CDK8: variants seen among roughly 807,000 people sequenced by gnomAD.
The protein encoded by CDK8 is cyclin-dependent kinase 8.
A neutral mutation model predicts 71.5 loss-of-function variants in CDK8; 29 were observed. That is an observed-to-expected ratio of 0.41 (90% CI 0.30 to 0.55). The LOEUF is 0.55. Among genes scored for constraint, CDK8 ranks in the 20% least tolerant of loss-of-function variants. The pLI, the probability that CDK8 is intolerant of heterozygous loss-of-function variation, is 0.37. For missense variants in CDK8, 288 were observed against 572.6 expected (o/e 0.50, Z 5.07); for synonymous variants, 161 against 192.1 (o/e 0.84, Z 1.34).
At chr13:26,289,509 GTT>G (rs1873197409) in intron 1 of CDK8, among the ~76,000 whole-genome samples, 1 of 152,010 alleles carries the variant, frequency 6.6e-6, no homozygotes, top group Non-Finnish European at 1.5e-5. Context: ...GATACAGTTG[GTT>G]TTTGTACATA....
At chr13:26,348,277 G>A (rs1873542331) in intron 2 of CDK8, among the ~76,000 whole-genome samples, 3 of 152,114 alleles carry the variant, frequency 2.0e-5, no homozygotes, top group African/African-American at 7.2e-5. Flanking sequence ...TGGGGAAAAA[G>A]GCGGTGGGAT....
intron 9 of CDK8, 65 bp downstream of exon 9, chr13:26,397,290 C>CT: frequency 1.0e-6 from 1 of 975,746 alleles, no homozygotes; most frequent in Non-Finnish European, 1.6e-6. Flanking sequence ...CCAACTGAGG[C>CT]TTTTTTGGAT....
chr13:26,335,480 C>T (rs1252340185), intron 1 of CDK8, among the ~76,000 whole-genome samples: 2 of 152,074 alleles, frequency 1.3e-5, no homozygotes, highest in Non-Finnish European at 2.9e-5. Context: ...TCTGTGTCTT[C>T]AGCTTGCTCT....
chr13:26,324,487 A>G (rs1874933482), intron 1 of CDK8, among the ~76,000 whole-genome samples: 1 of 152,194 alleles, frequency 6.6e-6, no homozygotes, highest in Non-Finnish European at 1.5e-5. Flanking sequence ...GGAGTATAAC[A>G]TGAACACTTC....
intron 1 of CDK8, among the ~76,000 whole-genome samples, chr13:26,267,524 A>C (rs1205860059): frequency 6.6e-6 from 1 of 152,152 alleles, no homozygotes; most frequent in Non-Finnish European, 1.5e-5. Context: ...AGACTTCAAA[A>C]TTTACTTTAG....
chr13:26,374,006 C>T (rs1408300733), intron 4 of CDK8, among the ~76,000 whole-genome samples: 1 of 142,682 alleles, frequency 7.0e-6, no homozygotes, highest in African/African-American at 2.7e-5. Flanking sequence ...ATGGTGAAAC[C>T]CCTTCTCTAC....
At chr13:26,369,989 C>T (rs1315093784) in intron 4 of CDK8, among the ~76,000 whole-genome samples, 1 of 152,044 alleles carries the variant, frequency 6.6e-6, no homozygotes, top group Non-Finnish European at 1.5e-5. Flanking sequence ...TAGAAAAGGT[C>T]AATAAGTAGA....
In CDK8 at chr13:26,353,612, GTACGAAAT is replaced by G. The variant is rs562406032; in HGVS notation, c.316-125_316-118del. 1.8e-4 allele frequency: 133 copies of G among 740,496 alleles called. 1 individual carries two copies. The East Asian group carries it at 2.7e-3, about 15-fold the overall frequency. 45.9% of individuals were successfully genotyped at this position (740,496 alleles called of 1,614,324 possible). On this transcript the variant is annotated intron_variant, in intron 3 of 12. Transcript: ENST00000381527. ...AAAGTTGTTTATGTTATTCAGCAGA[GTACGAAAT>G]TATATTTTCAATATCTATGGGAATC...
intron 1 of CDK8, among the ~76,000 whole-genome samples, chr13:26,321,434 T>C (rs1225265304): frequency 1.3e-5 from 2 of 151,688 alleles, no homozygotes; most frequent in Non-Finnish European, 2.9e-5. Context: ...TTACACAAGG[T>C]GAAAAGTGTT....
chr13:26,331,999 TGTA>T (rs1872781040), intron 1 of CDK8, among the ~76,000 whole-genome samples: 1 of 152,198 alleles, frequency 6.6e-6, no homozygotes, highest in South Asian at 2.1e-4. Context: ...AACAGTGTTT[TGTA>T]GTCCTTCTCG....
At chr13:26,339,752 A>ATATATAT (rs1555231147) in intron 2 of CDK8, among the ~76,000 whole-genome samples, 85 of 41,880 alleles carry the variant, frequency 2.0e-3, no homozygotes, top group South Asian at 7.3e-3. Context: ...TTACTTAAAA[A>ATATATAT]AAAAATATAT....
chr13:26,272,172 C>T (rs1040746640), intron 1 of CDK8, among the ~76,000 whole-genome samples: 2 of 151,624 alleles, frequency 1.3e-5, no homozygotes, highest in Non-Finnish European at 2.9e-5. Context: ...TCTTTATATC[C>T]TTATTCTGTA....
At chr13:26,299,568 T>C (rs1229007444) in intron 1 of CDK8, among the ~76,000 whole-genome samples, 1 of 152,224 alleles carries the variant, frequency 6.6e-6, no homozygotes, top group Admixed American at 6.5e-5. Flanking sequence ...CATCACTAGC[T>C]ACACAGTTCA....
intron 1 of CDK8, chr13:26,324,709 A>G (rs1286793306): frequency 3.8e-6 from 1 of 265,974 alleles, no homozygotes; most frequent in Non-Finnish European, 5.8e-6. Flanking sequence ...ATGATTATAA[A>G]TGATCAATGT....
chr13:26,262,386 GTGTA>G (rs926998446), intron 1 of CDK8, among the ~76,000 whole-genome samples: 15 of 142,622 alleles, frequency 1.1e-4, no homozygotes, highest in African/African-American at 3.6e-4. Context: ...TTGTACTTTT[GTGTA>G]TGTGTGTGTG....
At chr13:26,300,599 A>G (rs1873779536) in intron 1 of CDK8, among the ~76,000 whole-genome samples, 2 of 152,198 alleles carry the variant, frequency 1.3e-5, no homozygotes, top group Non-Finnish European at 2.9e-5. Flanking sequence ...TAAAGTAGAA[A>G]AATGTAATCA....
chr13:26,358,951 C>T (rs576250454), intron 4 of CDK8: 70 of 215,618 alleles, frequency 3.2e-4, no homozygotes, highest in African/African-American at 1.6e-3. Context: ...CACTTGAGTC[C>T]AGGAGTTTGA....
At chr13:26,287,562 A>T (rs1357781239) in intron 1 of CDK8, among the ~76,000 whole-genome samples, 1 of 152,146 alleles carries the variant, frequency 6.6e-6, no homozygotes, top group Non-Finnish European at 1.5e-5. Flanking sequence ...ATTTTTGGGG[A>T]CTTGGAGGAG....
At chr13:26,374,093 C>T (rs1047902185) in intron 4 of CDK8, among the ~76,000 whole-genome samples, 1 of 150,226 alleles carries the variant, frequency 6.7e-6, no homozygotes, top group African/African-American at 2.5e-5. Flanking sequence ...CCCAGCTGCT[C>T]GAGAGGCTGA....
Sources: gnomAD v4.1 joint callset for allele counts (sites outside exome capture counted in the v4.1 genomes callset) on GRCh38, gnomAD v4.1.1 for gene constraint, MANE v1.5 for transcripts, NCBI Gene and HGNC (gene_info 2026-07-23, HGNC 2026-07-21) for gene names.